The following FUT8 variants were observed in gnomAD, a reference collection of about 807,000 sequenced individuals.
FUT8 encodes the protein fucosyltransferase 8, also known as alpha-(1,6)-fucosyltransferase.
A neutral mutation model predicts 71.3 loss-of-function variants in FUT8; 29 were observed. That is an observed-to-expected ratio of 0.41 (90% confidence interval 0.30 to 0.55). The LOEUF (loss-of-function observed/expected upper bound fraction) is 0.55. Among genes scored for constraint, FUT8 ranks in the 20% least tolerant of loss-of-function variants. FUT8 has a pLI of 0.34. For synonymous variants in FUT8, 254 were observed against 239.3 expected (o/e 1.06, Z -0.57); for missense variants, 544 against 702.1 (o/e 0.77, Z 2.55).
intron 5 of FUT8, among the ~76,000 whole-genome samples, chr14:65,620,891 G>T (rs1218974805): frequency 6.6e-6 from 1 of 152,168 alleles, no homozygotes; most frequent in Non-Finnish European, 1.5e-5. Context: ...CATGTGCAAA[G>T]GGATACATTT....
At chr14:65,525,907 T>A (rs1394451408) in intron 2 of FUT8, among the ~76,000 whole-genome samples, 1 of 152,230 alleles carries the variant, frequency 6.6e-6, no homozygotes, top group East Asian at 1.9e-4. Flanking sequence ...TCTAGTTTGA[T>A]TGCACTGTGG....
chr14:65,495,566 T>C (rs138656381), intron 2 of FUT8, among the ~76,000 whole-genome samples: 3,006 of 152,324 alleles, frequency 0.02, 39 homozygotes, highest in Non-Finnish European at 0.034. Flanking sequence ...AATTATAATA[T>C]ATTTAATTTT....
chr14:65,509,839 T>G (rs892110902), intron 2 of FUT8, among the ~76,000 whole-genome samples: 3 of 152,078 alleles, frequency 2.0e-5, no homozygotes, highest in African/African-American at 7.2e-5. Context: ...TTTTGGTGGA[T>G]TTTTTATGTT....
At chr14:65,461,343 A>G (rs1417744625) in intron 2 of FUT8, among the ~76,000 whole-genome samples, 2 of 152,210 alleles carry the variant, frequency 1.3e-5, no homozygotes, top group African/African-American at 2.4e-5. Flanking sequence ...CTAATCCAGA[A>G]TGACATTATA....
intron 3 of FUT8, among the ~76,000 whole-genome samples, chr14:65,575,816 TGCCATGTTG>T (rs1162131810): frequency 6.6e-6 from 1 of 152,070 alleles, no homozygotes; most frequent in East Asian, 1.9e-4. Flanking sequence ...GACGGGTTTT[TGCCATGTTG>T]GCCAGGCTGA....
At chr14:65,637,715 C>A (rs1890632695) in intron 6 of FUT8, among the ~76,000 whole-genome samples, 3 of 151,844 alleles carry the variant, frequency 2.0e-5, no homozygotes, top group Non-Finnish European at 4.4e-5. Flanking sequence ...GTGTGGACAC[C>A]AGAGAGTGAG....
At chr14:65,542,549 G>A (rs1042957705) in intron 2 of FUT8, among the ~76,000 whole-genome samples, 1 of 152,168 alleles carries the variant, frequency 6.6e-6, no homozygotes. Flanking sequence ...ATACCAGCCA[G>A]TGATACCATT....
intron 5 of FUT8, among the ~76,000 whole-genome samples, chr14:65,619,290 C>A (rs1211416076): frequency 1.3e-5 from 2 of 152,074 alleles, no homozygotes; most frequent in Non-Finnish European, 2.9e-5. Context: ...TGGTAGAAAT[C>A]GCATTTCTCT....
chr14:65,432,186 A>G (rs1196220455), intron 1 of FUT8, among the ~76,000 whole-genome samples: 1 of 152,114 alleles, frequency 6.6e-6, no homozygotes, highest in Non-Finnish European at 1.5e-5. Context: ...TATTTGCCTT[A>G]CATGTTTTTC....
chr14:65,533,917 A>C (rs748042451), intron 2 of FUT8, among the ~76,000 whole-genome samples: 1 of 152,120 alleles, frequency 6.6e-6, no homozygotes, highest in Admixed American at 6.6e-5. Context: ...TAGTTGTGTG[A>C]TGAATCATAC....
chr14:65,549,649 T>C (rs545834151), intron 2 of FUT8, among the ~76,000 whole-genome samples: 1 of 152,340 alleles, frequency 6.6e-6, no homozygotes, highest in East Asian at 1.9e-4. Flanking sequence ...TAAATGGCTT[T>C]TTGCCTAACT....
At chr14:65,405,740 G>C (rs1320775184), upstream of FUT8, among the ~76,000 whole-genome samples, 1 of 152,222 alleles carries the variant, frequency 6.6e-6, no homozygotes, top group Non-Finnish European at 1.5e-5. Context: ...GGATACTTCT[G>C]TCTTCTCTGC....
chr14:65,423,861 C>G (rs1042380253), intron 1 of FUT8, among the ~76,000 whole-genome samples: 3 of 152,222 alleles, frequency 2.0e-5, no homozygotes, highest in Non-Finnish European at 4.4e-5. Flanking sequence ...AAAACTATTT[C>G]ACAAAACGTG....
chr14:65,684,449 A>C (rs548050948), intron 7 of FUT8, among the ~76,000 whole-genome samples: 10 of 152,242 alleles, frequency 6.6e-5, no homozygotes, highest in African/African-American at 2.4e-4. Flanking sequence ...GTAGCTAAAG[A>C]ATAGTCTGAA....
intron 1 of FUT8, among the ~76,000 whole-genome samples, chr14:65,420,891 A>C (rs2065283224): frequency 2.0e-5 from 3 of 152,182 alleles, no homozygotes; most frequent in Admixed American, 1.3e-4. Context: ...AGAGAAAAGA[A>C]AATGTTATTA....
intron 3 of FUT8, among the ~76,000 whole-genome samples, chr14:65,575,382 A>G (rs1012786329): frequency 6.6e-6 from 1 of 152,066 alleles, no homozygotes; most frequent in Non-Finnish European, 1.5e-5. Context: ...CTGTAATTAT[A>G]TGTATACAGT....
the FUT8 span, among the ~76,000 whole-genome samples, chr14:65,362,845 C>T: frequency 5.9e-5 from 9 of 151,762 alleles, no homozygotes; most frequent in South Asian, 1.7e-3. Context: ...GCCTGTAGTC[C>T]CAGCTACTCA....
At position 65,743,365 on chromosome 14, in the gene FUT8, C is replaced by G. The variant is rs758753592; in HGVS notation, c.*955C>G. 12 of 151,836 alleles carry G rather than the reference C, an allele frequency of 7.9e-5. No individual in the cohort carries two copies. Among genetic ancestry groups the G allele is most frequent in the Non-Finnish European group, 1.8e-4 (12 of 67,870 alleles). The allele number at this position is 151,836 out of a possible 1,614,324, so 9.4% of individuals were successfully genotyped here. On this transcript the variant is annotated 3_prime_UTR_variant, in exon 11 of 11. Transcript: ENST00000673929. ...ACACATTACAAAATTGCTAAGAACA[C>G]TGTTTGGGAGCTTTCATTCTCATAT...
the FUT8 span, among the ~76,000 whole-genome samples, chr14:65,362,212 T>C: frequency 6.6e-6 from 1 of 152,184 alleles, no homozygotes; most frequent in African/African-American, 2.4e-5. Flanking sequence ...TAACAAGTGT[T>C]CCCTGCCAAA....
Sources: allele counts gnomAD v4.1 joint callset (sites outside exome capture counted in the v4.1 genomes callset), GRCh38; gene constraint gnomAD v4.1.1; transcripts MANE v1.5; gene names NCBI Gene and HGNC (gene_info 2026-07-23, HGNC 2026-07-21).